ASXL1: variants seen among roughly 807,000 people sequenced by gnomAD.
The protein encoded by ASXL1 is polycomb group protein ASXL1.
A neutral mutation model predicts 89.1 loss-of-function variants in ASXL1; 65 were observed. That is an observed-to-expected ratio of 0.73 (90% CI 0.60 to 0.90). The LOEUF (loss-of-function observed/expected upper bound fraction) is 0.90. ASXL1 is among the 40% of genes least tolerant of loss of function. The probability of loss-of-function intolerance (pLI) is 0.00; values close to 1 mark genes in which losing one functional copy is unlikely to be tolerated. For synonymous variants in ASXL1, 739 were observed against 746.9 expected (o/e 0.99, Z 0.17); for missense variants, 1,786 against 1,942.9 (o/e 0.92, Z 1.52).
chr20:32,372,305 C>A (rs2048311855), intron 4 of ASXL1: 3 of 1,219,094 alleles, frequency 2.5e-6, no homozygotes, highest in Middle Eastern at 2.2e-4. Flanking sequence ...AATATTTGCT[C>A]AGTACCTCAT....
At chr20:32,428,665 T>G in intron 6 of ASXL1, 1 of 429,542 alleles carries the variant, frequency 2.3e-6, no homozygotes, top group Admixed American at 3.9e-5. Context: ...TTTTTTTTTT[T>G]TTTTTTTTTT....
intron 4 of ASXL1, among the ~76,000 whole-genome samples, chr20:32,426,541 C>CTTTTTGT (rs2011294663): frequency 1.1e-5 from 1 of 92,564 alleles, no homozygotes; most frequent in Non-Finnish European, 2.3e-5. Flanking sequence ...AAACTGTTTT[C>CTTTTTGT]TTTTTTTTCT....
At chr20:32,428,984 T>C (rs976597166) in intron 6 of ASXL1, 3 of 362,600 alleles carry the variant, frequency 8.3e-6, no homozygotes, top group Non-Finnish European at 1.6e-5. Context: ...TCTTGTAATA[T>C]ACACGTGAAC....
At chr20:32,398,160 T>C (rs2048802467) in intron 4 of ASXL1, among the ~76,000 whole-genome samples, 1 of 152,242 alleles carries the variant, frequency 6.6e-6, no homozygotes, top group Non-Finnish European at 1.5e-5. Context: ...ATCAATAGGT[T>C]GTTTCTCTTT....
chr20:32,420,791 ACAACT>A (rs2049230054), intron 4 of ASXL1, among the ~76,000 whole-genome samples: 2 of 152,272 alleles, frequency 1.3e-5, no homozygotes, highest in South Asian at 2.1e-4. Flanking sequence ...TTTTTAAAAG[ACAACT>A]CAAAAAAAAA....
chr20:32,418,809 C>CTTTTTTTT lies in ASXL1; in HGVS notation c.253-9285_253-9278dup, dbSNP rs71338437. The stretch of plus-strand genomic sequence containing the variant: ...AAATCAAAATGGGAAGAATTGACAT[C>CTTTTTTTT]TTTTTTTTTTTTTTTTTTTTTTTTT... On this transcript the variant is annotated intron_variant, in intron 4 of 12. Transcript: ENST00000375687. Among the ~76,000 whole-genome samples the CTTTTTTTT allele has an allele frequency of 8.3e-4, 46 of 55,746 alleles. 3 individuals are homozygous for CTTTTTTTT. Among genetic ancestry groups the CTTTTTTTT allele is most frequent in the African/African-American group, 1.1e-3 (17 of 14,848 alleles). The allele number at this position is 55,746 out of a possible 152,430, so 36.6% of individuals were successfully genotyped here.
At chr20:32,412,591 T>G (rs1039125703) in intron 4 of ASXL1, among the ~76,000 whole-genome samples, 3 of 142,246 alleles carry the variant, frequency 2.1e-5, no homozygotes, top group Admixed American at 7.3e-5. Flanking sequence ...AGAAAAGAAA[T>G]AAATTTTTTT....
intron 4 of ASXL1, among the ~76,000 whole-genome samples, chr20:32,379,750 C>T (rs968607116): frequency 6.6e-6 from 1 of 151,550 alleles, no homozygotes; most frequent in African/African-American, 2.4e-5. Context: ...CACTTGAACC[C>T]GGGAGGCAGA....
Position 32,434,690 on chromosome 20 carries a change from G to A in ASXL1, c.1978G>A (p.Gly660Ser). The A allele has an allele frequency of 6.2e-7, 1 of 1,605,028 alleles. No individual in the cohort carries two copies. The highest frequency in any genetic ancestry group is 1.3e-5 in the African/African-American group (1 of 74,772). Residue 660 changes from glycine to serine, a missense_variant, in exon 13 of 13, where the codon GGC becomes AGC. Physicochemically the swap from Gly to Ser is moderately conservative, Grantham distance 56 (BLOSUM62 0). Transcript: ENST00000375687. ...CGGCGGGGCCACCGATGAGGGAGGT[G>A]GCAGAGGCAGCAGCAGTGGTGATGG... ...GGGGATDEGG[G>S]RGSSSGDGGE...
intron 1 of ASXL1, among the ~76,000 whole-genome samples, chr20:32,361,958 A>T (rs2048119145): frequency 6.6e-6 from 1 of 151,836 alleles, no homozygotes; most frequent in Admixed American, 6.6e-5. Context: ...AACCTCAGCT[A>T]CTCGGGAGGC....
At chr20:32,399,110 C>T (rs2048823721) in intron 4 of ASXL1, among the ~76,000 whole-genome samples, 1 of 151,744 alleles carries the variant, frequency 6.6e-6, no homozygotes, top group East Asian at 2.0e-4. Flanking sequence ...ACTTGGAAGG[C>T]TGAGGCAGGA....
intron 4 of ASXL1, among the ~76,000 whole-genome samples, chr20:32,412,725 T>G (rs1330059937): frequency 3.4e-5 from 5 of 146,858 alleles, no homozygotes; most frequent in African/African-American, 1.2e-4. Context: ...GCTGGCTAAT[T>G]TTTTTTTTTT....
chr20:32,392,214 A>G (rs935255973), intron 4 of ASXL1, among the ~76,000 whole-genome samples: 2 of 151,684 alleles, frequency 1.3e-5, no homozygotes, highest in Non-Finnish European at 2.9e-5. Flanking sequence ...TTCTGGGCTC[A>G]AGCAGTCATC....
At chr20:32,397,560 C>T (rs2048792232) in intron 4 of ASXL1, among the ~76,000 whole-genome samples, 1 of 151,786 alleles carries the variant, frequency 6.6e-6, no homozygotes, top group Non-Finnish European at 1.5e-5. Flanking sequence ...CCACCACTCC[C>T]AGCTAGTTTT....
chr20:32,432,745 C>T, intron 10 of ASXL1, 135 bp from the exon 11 acceptor site: 1 of 1,108,650 alleles, frequency 9.0e-7, no homozygotes, highest in South Asian at 1.4e-5. Context: ...TGTGTTAGCT[C>T]TGTCCCTATA....
chr20:32,434,025 G>T, intron 12 of ASXL1, 108 bp downstream of exon 12: 1 of 1,475,248 alleles, frequency 6.8e-7, no homozygotes, highest in Non-Finnish European at 9.3e-7. Context: ...ATGTGGGAAT[G>T]TAGAGCTTTT....
intron 4 of ASXL1, among the ~76,000 whole-genome samples, chr20:32,420,360 A>T (rs2049220264): frequency 6.6e-6 from 1 of 152,164 alleles, no homozygotes; most frequent in South Asian, 2.1e-4. Flanking sequence ...AATCTTGGGC[A>T]GTTTAAACTT....
chr20:32,372,140 T>C (rs1366689359), intron 4 of ASXL1: 5 of 1,346,836 alleles, frequency 3.7e-6, no homozygotes, highest in Non-Finnish European at 4.9e-6. Flanking sequence ...AACTGAATTA[T>C]ATTTCTTCAT....
At chr20:32,360,988 C>A (rs1015325267) in intron 1 of ASXL1, among the ~76,000 whole-genome samples, 2 of 152,140 alleles carry the variant, frequency 1.3e-5, no homozygotes, top group African/African-American at 4.8e-5. Flanking sequence ...CTTAGGTTAT[C>A]CGCCCACCTT....
Sources: allele counts gnomAD v4.1 joint callset (sites outside exome capture counted in the v4.1 genomes callset), GRCh38; gene constraint gnomAD v4.1.1; transcripts MANE v1.5; gene names NCBI Gene and HGNC (gene_info 2026-07-23, HGNC 2026-07-21).